UBAC2: variants seen among roughly 807,000 people sequenced by gnomAD.
The protein encoded by UBAC2 is UBA domain containing 2, also known as ubiquitin-associated domain-containing protein 2.
A neutral mutation model predicts 44.0 loss-of-function variants in UBAC2; 26 were observed. That is an observed-to-expected ratio of 0.59 (90% CI 0.43 to 0.82). The LOEUF is 0.82. Ranked by LOEUF, UBAC2 falls within the 40% of genes least tolerant of loss-of-function variation. UBAC2 has a pLI of 0.00. For missense variants in UBAC2, 329 were observed against 419.4 expected (o/e 0.78, Z 1.88); for synonymous variants, 155 against 154.3 (o/e 1.00, Z -0.04).
intron 8 of UBAC2, 60 bp from the exon 9 acceptor site, chr13:99,385,168 G>T: frequency 1.6e-6 from 2 of 1,265,242 alleles, no homozygotes; most frequent in South Asian, 2.4e-5. Flanking sequence ...GAACATTTGG[G>T]GCCCAGGGAT....
intron 6 of UBAC2, among the ~76,000 whole-genome samples, chr13:99,320,715 A>G (rs919468093): frequency 6.6e-6 from 1 of 152,148 alleles, no homozygotes; most frequent in Non-Finnish European, 1.5e-5. Context: ...TCTCATTTTT[A>G]TTATGAAATA....
chr13:99,281,952 C>T (rs547008215), intron 4 of UBAC2, among the ~76,000 whole-genome samples: 4 of 152,248 alleles, frequency 2.6e-5, no homozygotes, highest in Non-Finnish European at 5.9e-5. Flanking sequence ...AAGCTGTTGC[C>T]AGAAGTCTAC....
intron 4 of UBAC2, chr13:99,294,652 G>T (rs1237495858): frequency 6.5e-6 from 1 of 154,570 alleles, no homozygotes; most frequent in African/African-American, 2.4e-5. Context: ...AACATTGAGA[G>T]AAATTTGGAT....
intron 1 of UBAC2, among the ~76,000 whole-genome samples, chr13:99,221,728 G>A (rs1349194793): frequency 1.3e-5 from 2 of 152,112 alleles, no homozygotes; most frequent in African/African-American, 2.4e-5. Context: ...AAGGCTTCTC[G>A]GAAAGTCCTG....
intron 4 of UBAC2, among the ~76,000 whole-genome samples, chr13:99,292,199 A>G (rs909247345): frequency 1.1e-4 from 16 of 150,758 alleles, no homozygotes; most frequent in African/African-American, 3.9e-4. Flanking sequence ...GCAGTGGTGC[A>G]ATCTCTGCTC....
chr13:99,317,778 G>T (rs933175010), intron 5 of UBAC2, among the ~76,000 whole-genome samples: 2 of 151,990 alleles, frequency 1.3e-5, no homozygotes, highest in African/African-American at 4.8e-5. Flanking sequence ...TTTGCATGGG[G>T]TGTGGGCCAG....
At chr13:99,258,948 CA>C (rs1424305618) in intron 4 of UBAC2, among the ~76,000 whole-genome samples, 8 of 152,138 alleles carry the variant, frequency 5.3e-5, no homozygotes, top group Non-Finnish European at 1.0e-4. Context: ...TCTGCTTTGC[CA>C]CATACATTTA....
At chr13:99,297,235 A>G (rs768990971) in intron 4 of UBAC2, among the ~76,000 whole-genome samples, 1 of 152,220 alleles carries the variant, frequency 6.6e-6, no homozygotes, top group Non-Finnish European at 1.5e-5. Flanking sequence ...TGATTAAAGC[A>G]GGAAGAACAG....
intron 4 of UBAC2, among the ~76,000 whole-genome samples, chr13:99,265,830 A>G (rs2043736754): frequency 6.6e-6 from 1 of 152,238 alleles, no homozygotes; most frequent in South Asian, 2.1e-4. Context: ...TAATGAGACA[A>G]AAAGAAATAG....
chr13:99,357,279 G>A (rs1028268373), intron 7 of UBAC2, among the ~76,000 whole-genome samples: 5 of 152,180 alleles, frequency 3.3e-5, no homozygotes, highest in Non-Finnish European at 7.3e-5. Context: ...TAAGTACACA[G>A]CAACAAAGTC....
chr13:99,347,771 T>C (rs2045014113), intron 7 of UBAC2, among the ~76,000 whole-genome samples: 2 of 150,516 alleles, frequency 1.3e-5, no homozygotes, highest in African/African-American at 4.9e-5. Flanking sequence ...TAGTGTGCTT[T>C]GACCTCCTAC....
chr13:99,281,912 A>T (rs564527236), intron 4 of UBAC2, among the ~76,000 whole-genome samples: 1 of 152,322 alleles, frequency 6.6e-6, no homozygotes, highest in South Asian at 2.1e-4. Flanking sequence ...CAGGGAGCAG[A>T]CCTAATGTAT....
chr13:99,339,183 G>A (rs971340553), intron 6 of UBAC2, among the ~76,000 whole-genome samples: 13 of 152,138 alleles, frequency 8.5e-5, no homozygotes, highest in African/African-American at 2.4e-4. Context: ...CTCGGGCTGC[G>A]CAGCATCTGC....
intron 1 of UBAC2, chr13:99,201,550 G>C (rs1293152445): frequency 4.3e-6 from 7 of 1,614,146 alleles, no homozygotes; most frequent in Non-Finnish European, 5.9e-6. Flanking sequence ...TTCCTGGCGT[G>C]TTAGCGGTGG....
At chr13:99,335,598 G>A (rs1941173998) in intron 6 of UBAC2, among the ~76,000 whole-genome samples, 1 of 152,174 alleles carries the variant, frequency 6.6e-6, no homozygotes, top group African/African-American at 2.4e-5. Context: ...AGCGCAACAT[G>A]TGATACCTTC....
intron 6 of UBAC2, among the ~76,000 whole-genome samples, chr13:99,333,849 T>TC (rs886235190): frequency 2.6e-5 from 4 of 152,018 alleles, no homozygotes; most frequent in East Asian, 1.9e-4. Flanking sequence ...GTCTGTGGCC[T>TC]CCCCCCCATA....
chr13:99,255,800 C>G, intron 4 of UBAC2: 1 of 1,611,492 alleles, frequency 6.2e-7, no homozygotes, highest in Non-Finnish European at 8.5e-7. Flanking sequence ...AAGACAAGGG[C>G]TGCAATTTTG....
intron 8 of UBAC2, among the ~76,000 whole-genome samples, chr13:99,375,306 A>G (rs2045464949): frequency 6.8e-6 from 1 of 146,230 alleles, no homozygotes; most frequent in African/African-American, 2.5e-5. Context: ...AGTTCTCCCA[A>G]GGAAGAGAGT....
At chr13:99,317,421 A>G (rs913947919) in intron 5 of UBAC2, among the ~76,000 whole-genome samples, 13 of 152,216 alleles carry the variant, frequency 8.5e-5, no homozygotes, top group Non-Finnish European at 1.6e-4. Context: ...GAAGAATTTC[A>G]TGAGATCTAA....
Sources: allele counts gnomAD v4.1 joint callset (sites outside exome capture counted in the v4.1 genomes callset), GRCh38; gene constraint gnomAD v4.1.1; transcripts MANE v1.5; gene names NCBI Gene and HGNC (gene_info 2026-07-23, HGNC 2026-07-21).